ZNF713: variants seen among roughly 807,000 people sequenced by gnomAD.
The protein encoded by ZNF713 is zinc finger protein 713.
A neutral mutation model predicts 28.7 loss-of-function variants in ZNF713; 21 were observed. That is an observed-to-expected ratio of 0.73 (90% CI 0.52 to 1.05). ZNF713 has a LOEUF of 1.05. ZNF713 is among the 50% of genes least tolerant of loss of function. ZNF713 has a pLI of 0.00. For synonymous variants in ZNF713, 167 were observed against 178.0 expected (o/e 0.94, Z 0.49); for missense variants, 458 against 532.4 (o/e 0.86, Z 1.37).
chr7:55,901,444 A>G (rs1165649440), intron 1 of ZNF713, among the ~76,000 whole-genome samples: 1 of 152,230 alleles, frequency 6.6e-6, no homozygotes, highest in Non-Finnish European at 1.5e-5. Flanking sequence ...CAGCCAAACC[A>G]CATCAACTAT....
chr7:55,904,695 G>A (rs1341566656), intron 1 of ZNF713, among the ~76,000 whole-genome samples: 3 of 151,904 alleles, frequency 2.0e-5, no homozygotes, highest in Non-Finnish European at 4.4e-5. Context: ...AAAGGGGTGT[G>A]TGGCCAGTGA....
At chr7:55,901,758 A>G (rs1354937153) in intron 1 of ZNF713, among the ~76,000 whole-genome samples, 1 of 152,252 alleles carries the variant, frequency 6.6e-6, no homozygotes, top group African/African-American at 2.4e-5. Flanking sequence ...GTGAACACAA[A>G]GGATTTAACC....
chr7:55,887,871 C>A (rs1237078072), intron 1 of ZNF713, among the ~76,000 whole-genome samples, 191 bp downstream of exon 1: 74 of 2,746 alleles, frequency 0.027, 23 homozygotes, highest in African/African-American at 0.065. Context: ...CGGGCGGCGG[C>A]GGCGGCGGCG....
In ZNF713 at chr7:55,891,031, G is replaced by A. The variant is rs138685233; in HGVS notation, c.-583+3351G>A. Among the ~76,000 whole-genome samples, 133 of 151,658 alleles carry A rather than the reference G, an allele frequency of 8.8e-4. 1 individual carries two copies. Among genetic ancestry groups the A allele is most frequent in the African/African-American group, 3.0e-3 (124 of 41,370 alleles). On this transcript the variant is annotated intron_variant, in intron 1 of 6. Transcript: ENST00000429591. ...AAAAGAAAAAAAAATTAAGGAGTGT[G>A]CCTACTCCCACACATGCTTGGAACA... is the stretch of plus-strand genomic sequence containing the variant.
chr7:55,918,001 A>G (rs1417163127), intron 4 of ZNF713: 2 of 455,064 alleles, frequency 4.4e-6, no homozygotes, highest in Admixed American at 2.4e-5. Flanking sequence ...CCCATCCCAA[A>G]TGCTTTCTTG....
intron 4 of ZNF713, among the ~76,000 whole-genome samples, chr7:55,916,270 C>G (rs1785879688): frequency 1.3e-5 from 2 of 152,184 alleles, no homozygotes; most frequent in South Asian, 4.1e-4. Context: ...TACTTTTCTT[C>G]CCCTTATTCC....
rs1584289412 is a variant in ZNF713 at position 55,887,666 on chromosome 7, C to T, written c.-597C>T. On this transcript the variant is annotated 5_prime_UTR_variant, in exon 1 of 7. Coordinates refer to ENST00000429591, the MANE Select transcript of ZNF713 (RefSeq NM_182633.3). Reference sequence around the variant, plus strand: ...CAGGGGGCGGAGCCTGCCGAAGCGCCCTTTGTCTGCGGAGGTGAGTGCGCG... The same window carrying T: ...CAGGGGGCGGAGCCTGCCGAAGCGCTCTTTGTCTGCGGAGGTGAGTGCGCG... 1 of 159,228 alleles carries T rather than the reference C, an allele frequency of 6.3e-6. No individual in the cohort carries two copies. Among genetic ancestry groups the T allele is most frequent in the Non-Finnish European group, 1.3e-5 (1 of 78,548 alleles). 9.9% of individuals were successfully genotyped at this position (159,228 alleles called of 1,614,324 possible). A position where few individuals can be genotyped will look rare whatever the true frequency, so the allele number is the denominator to read the frequency against.
intron 1 of ZNF713, among the ~76,000 whole-genome samples, chr7:55,892,555 CAAA>C (rs56338467): frequency 1.5e-4 from 11 of 74,380 alleles, no homozygotes; most frequent in East Asian, 9.5e-4. Context: ...AAGCACTGAC[CAAA>C]AAAAAAAAAA....
At chr7:55,889,640 T>A (rs928285772) in intron 1 of ZNF713, among the ~76,000 whole-genome samples, 3 of 152,202 alleles carry the variant, frequency 2.0e-5, no homozygotes, top group Non-Finnish European at 4.4e-5. Flanking sequence ...CTCAAAGCCC[T>A]TTATGATCTT....
At chr7:55,919,631 G>A (rs558673042) in intron 4 of ZNF713, among the ~76,000 whole-genome samples, 2 of 150,184 alleles carry the variant, frequency 1.3e-5, no homozygotes, top group South Asian at 2.1e-4. Flanking sequence ...CCAGCCTCCC[G>A]AGTAGCTGGG....
chr7:55,888,775 G>A (rs872294), intron 1 of ZNF713, among the ~76,000 whole-genome samples: 4 of 145,628 alleles, frequency 2.7e-5, no homozygotes, highest in Admixed American at 6.9e-5. Context: ...AAATGTTTAG[G>A]CCGGTTGCGG....
chr7:55,899,125 G>A (rs568917828), intron 1 of ZNF713, among the ~76,000 whole-genome samples: 6 of 151,616 alleles, frequency 4.0e-5, no homozygotes, highest in Admixed American at 1.3e-4. Context: ...AGGCCGAGGC[G>A]GGCAGATCAC....
At chr7:55,924,557 T>G (rs1786058018) in intron 6 of ZNF713, 1 of 152,278 alleles carries the variant, frequency 6.6e-6, no homozygotes, top group Non-Finnish European at 1.5e-5. Flanking sequence ...AGTCCCAGTA[T>G]TTCACCCACA....
chr7:55,933,299 TTTTG>T (rs921047080), intron 6 of ZNF713, among the ~76,000 whole-genome samples: 5 of 152,168 alleles, frequency 3.3e-5, no homozygotes, highest in South Asian at 2.1e-4. Flanking sequence ...CTCCTGTAAT[TTTTG>T]TTTGTTTGTT....
At chr7:55,918,332 C>T (rs1434655396) in intron 4 of ZNF713, 2 of 243,288 alleles carry the variant, frequency 8.2e-6, no homozygotes, top group Non-Finnish European at 1.7e-5. Context: ...ATCCTCCAAT[C>T]CCCAGTCAAA....
chr7:55,925,764 C>T (rs1786084630), intron 6 of ZNF713, among the ~76,000 whole-genome samples: 1 of 152,298 alleles, frequency 6.6e-6, no homozygotes, highest in African/African-American at 2.4e-5. Context: ...GTCAAGAAGC[C>T]TGGGCACCTT....
Position 55,912,660 on chromosome 7 carries a change from T to A in ZNF713, c.24T>A (p.Phe8Leu), listed in dbSNP as rs1785806619. Residue 8 changes from phenylalanine (F) to leucine (L), a missense_variant, in exon 4 of 7, where the codon TTT (phenylalanine) becomes TTA (leucine). By Grantham distance (22) the Phe-to-Leu change is conservative. Transcript: ENST00000429591. MPSQNAV[F>L]SQEGNMEEEE... ...TTATGCCTTCTCAGAATGCTGTTTT[T>A]TCTCAGGAGGGGAACATGGAGGAGG... is the stretch of plus-strand genomic sequence containing the variant. 6 of 1,613,298 alleles carry A rather than the reference T, an allele frequency of 3.7e-6. No homozygotes were observed. Among genetic ancestry groups the A allele is most frequent in the Non-Finnish European group, 5.1e-6 (6 of 1,179,776 alleles).
chr7:55,915,562 TG>T (rs1257522401), intron 4 of ZNF713, among the ~76,000 whole-genome samples: 1 of 152,104 alleles, frequency 6.6e-6, no homozygotes, highest in Non-Finnish European at 1.5e-5. Flanking sequence ...GGAGAAACTG[TG>T]GGGAAGTGAA....
At position 55,887,588 on chromosome 7, in the gene ZNF713, T is replaced by TTCTCCCG. The variant is rs1390531410; in HGVS notation, c.-675_-674insTCTCCCG. On this transcript the variant is annotated 5_prime_UTR_variant, in exon 1 of 7. Transcript: ENST00000429591. ...TGCGGGGCCCTCGGCACCTTCTCCC[T>TTCTCCCG]CCCGGGTCCACCGCGGCGGCGGCGG... The TTCTCCCG allele has an allele frequency of 3.6e-4, 65 of 181,282 alleles. No homozygotes were observed. The highest frequency in any genetic ancestry group is 5.6e-4 in the Non-Finnish European group (51 of 90,904). The allele number at this position is 181,282 out of a possible 1,614,324, so 11.2% of individuals were successfully genotyped here. A position where few individuals can be genotyped will look rare whatever the true frequency, so the allele number is the denominator to read the frequency against.
Sources: allele counts gnomAD v4.1 joint callset (sites outside exome capture counted in the v4.1 genomes callset), GRCh38; gene constraint gnomAD v4.1.1; transcripts MANE v1.5; gene names NCBI Gene and HGNC (gene_info 2026-07-23, HGNC 2026-07-21).